The following ADGRL3 variants were observed in gnomAD, a reference collection of about 807,000 sequenced individuals.
ADGRL3 encodes adhesion G protein-coupled receptor L3, also known as calcium-independent alpha-latrotoxin receptor 3.
ADGRL3 carries 62 observed loss-of-function variants against 153.5 expected under a neutral mutation model. That is an observed-to-expected ratio of 0.40 (90% confidence interval 0.33 to 0.50). The LOEUF is 0.50. Among genes scored for constraint, ADGRL3 ranks in the 20% least tolerant of loss-of-function variants. ADGRL3 has a pLI of 0.47. For synonymous variants in ADGRL3, 710 were observed against 672.5 expected (o/e 1.06, Z -0.86); for missense variants, 1,641 against 1,859.4 (o/e 0.88, Z 2.16).
At chr4:61,987,275 C>G (rs546529082) in intron 19 of ADGRL3, among the ~76,000 whole-genome samples, 2 of 151,946 alleles carry the variant, frequency 1.3e-5, no homozygotes, top group Non-Finnish European at 2.9e-5. Context: ...AAGCGATTCT[C>G]CTGACTCAGC....
At chr4:61,232,161 A>G (rs759811261) in intron 1 of ADGRL3, among the ~76,000 whole-genome samples, 1 of 152,148 alleles carries the variant, frequency 6.6e-6, no homozygotes, top group Non-Finnish European at 1.5e-5. Context: ...CATGCTTGTT[A>G]AAGAGTAAAT....
chr4:61,432,621 T>C (rs2097376547), intron 2 of ADGRL3, among the ~76,000 whole-genome samples: 1 of 82,120 alleles, frequency 1.2e-5, no homozygotes, highest in Admixed American at 1.3e-4. Flanking sequence ...TTTCTTTCTT[T>C]CTTTCTTTCT....
At chr4:61,360,628 C>A (rs2096268685) in intron 1 of ADGRL3, among the ~76,000 whole-genome samples, 2 of 152,056 alleles carry the variant, frequency 1.3e-5, no homozygotes, top group African/African-American at 4.8e-5. Context: ...ATGATCTAAA[C>A]TCTAAGAAGG....
chr4:61,672,650 G>T (rs1385649312), intron 5 of ADGRL3, among the ~76,000 whole-genome samples: 3 of 152,036 alleles, frequency 2.0e-5, no homozygotes, highest in East Asian at 3.9e-4. Flanking sequence ...TGTTAGAAGG[G>T]TTATGTTCAA....
At chr4:61,820,134 T>G (rs2148708058) in intron 9 of ADGRL3, among the ~76,000 whole-genome samples, 1 of 152,284 alleles carries the variant, frequency 6.6e-6, no homozygotes, top group South Asian at 2.1e-4. Flanking sequence ...CAACCTGCTC[T>G]TAGTAATCAA....
Position 62,070,181 on chromosome 4 carries a change from G to A in ADGRL3, c.3905G>A (p.Ser1302Asn), listed in dbSNP as rs1486751994. Residue 1302 changes from serine (S) to asparagine (N), a missense_variant, in exon 27 of 27, where the codon AGT (serine) becomes AAT (asparagine). Transcript: ENST00000683033. ...TLPLNGNHGN[S>N]YSIASGEYLS... ...CCACTGAATGGTAACCATGGCAATAGTTACAGCATTGCCAGCGGCGAATAC... is the reference window on the plus strand; with the variant it reads ...CCACTGAATGGTAACCATGGCAATAATTACAGCATTGCCAGCGGCGAATAC... 1 of 1,613,974 alleles carries A rather than the reference G, an allele frequency of 6.2e-7. No individual in the cohort carries two copies. The highest frequency in any genetic ancestry group is 1.1e-5 in the South Asian group (1 of 91,074).
chr4:61,930,416 A>G (rs1183935119), intron 13 of ADGRL3, among the ~76,000 whole-genome samples: 1 of 152,178 alleles, frequency 6.6e-6, no homozygotes, highest in African/African-American at 2.4e-5. Context: ...ATCTTAAGCT[A>G]TTTCACAAAT....
intron 9 of ADGRL3, among the ~76,000 whole-genome samples, chr4:61,836,446 C>T (rs993240526): frequency 6.6e-6 from 1 of 151,812 alleles, no homozygotes; most frequent in South Asian, 2.1e-4. Flanking sequence ...TATTTTTTTT[C>T]TGTGATTTAG....
At position 61,979,733 on chromosome 4, in the gene ADGRL3, G is replaced by A. The variant is rs1236508071; in HGVS notation, c.2976G>A (p.Glu992=). ...KNLCISLFVA[E]LLFLIGINRT... ...TCTGCATCAGTCTCTTTGTAGCAGA[G>A]CTGCTCTTCCTGATTGGGATCAACC... Residue 992 remains glutamate, a synonymous_variant, in exon 18 of 27, where the codon GAG becomes GAA. Transcript: ENST00000683033. 1 of 1,613,928 alleles carries A rather than the reference G, an allele frequency of 6.2e-7. No individual in the cohort carries two copies. Among genetic ancestry groups the A allele is most frequent in the Non-Finnish European group, 8.5e-7 (1 of 1,179,872 alleles).
At chr4:61,955,332 A>T (rs981319058) in intron 17 of ADGRL3, among the ~76,000 whole-genome samples, 3 of 152,164 alleles carry the variant, frequency 2.0e-5, no homozygotes, top group Admixed American at 6.5e-5. Context: ...TGTTCTTCAA[A>T]CTTTAGAACA....
At chr4:61,329,700 ATATAG>A (rs1560480734) in intron 1 of ADGRL3, among the ~76,000 whole-genome samples, 1 of 152,066 alleles carries the variant, frequency 6.6e-6, no homozygotes, top group Non-Finnish European at 1.5e-5. Context: ...AAGAAAAAAA[ATATAG>A]TATACAGTTT....
At chr4:61,947,279 G>T (rs1233251674) in intron 16 of ADGRL3, among the ~76,000 whole-genome samples, 157 bp downstream of exon 16, 1 of 152,108 alleles carries the variant, frequency 6.6e-6, no homozygotes, top group Non-Finnish European at 1.5e-5. Context: ...TCAGAAATAA[G>T]ATTTGGAGGA....
intron 5 of ADGRL3, among the ~76,000 whole-genome samples, chr4:61,603,157 A>G (rs1560919401): frequency 6.6e-6 from 1 of 152,204 alleles, no homozygotes; most frequent in Admixed American, 6.5e-5. Context: ...AATAGACCAC[A>G]TAAGTAACAG....
chr4:61,953,339 G>T (rs530887407), intron 17 of ADGRL3, among the ~76,000 whole-genome samples: 1 of 152,142 alleles, frequency 6.6e-6, no homozygotes, highest in Non-Finnish European at 1.5e-5. Flanking sequence ...ATAGCTATTG[G>T]CATCAAGCTG....
intron 9 of ADGRL3, among the ~76,000 whole-genome samples, chr4:61,847,795 T>C (rs1361497420): frequency 4.1e-5 from 1 of 24,574 alleles, no homozygotes; most frequent in African/African-American, 1.2e-4. Flanking sequence ...ATATTATATA[T>C]ATAATATAAA....
chr4:61,208,474 A>G (rs556708830), intron 1 of ADGRL3, among the ~76,000 whole-genome samples: 1 of 152,148 alleles, frequency 6.6e-6, no homozygotes, highest in Non-Finnish European at 1.5e-5. Context: ...ATTGGGTCTC[A>G]TGAGAGTCCT....
chr4:61,982,801 A>G (rs2099072981), intron 18 of ADGRL3, among the ~76,000 whole-genome samples: 1 of 152,172 alleles, frequency 6.6e-6, no homozygotes, highest in Non-Finnish European at 1.5e-5. Context: ...TTCACCATGA[A>G]TTTTCCAACA....
intron 2 of ADGRL3, among the ~76,000 whole-genome samples, chr4:61,462,413 T>C (rs757405877): frequency 6.6e-6 from 1 of 152,052 alleles, no homozygotes; most frequent in Non-Finnish European, 1.5e-5. Flanking sequence ...AAGTCAGAGT[T>C]TGAGGAAAAG....
intron 2 of ADGRL3, among the ~76,000 whole-genome samples, chr4:61,414,719 G>A (rs190064835): frequency 4.5e-4 from 68 of 151,550 alleles, no homozygotes; most frequent in African/African-American, 1.5e-3. Context: ...GTATATTTCT[G>A]GTTATGTTTG....
Sources: allele counts gnomAD v4.1 joint callset (sites outside exome capture counted in the v4.1 genomes callset), GRCh38; gene constraint gnomAD v4.1.1; transcripts MANE v1.5; gene names NCBI Gene and HGNC (gene_info 2026-07-23, HGNC 2026-07-21).